MYH10: variants seen among roughly 807,000 people sequenced by gnomAD.
The protein encoded by MYH10 is myosin heavy chain 10, also known as myosin-10.
MYH10 carries 55 observed loss-of-function variants against 257.8 expected under a neutral mutation model. The ratio of observed to expected loss-of-function variants is 0.21; its 90% CI spans 0.17 to 0.27. MYH10 has a LOEUF of 0.27. Ranked by LOEUF, MYH10 falls within the 10% of genes least tolerant of loss-of-function variation. The probability of loss-of-function intolerance (pLI) is 1.00; values close to 1 mark genes in which losing one functional copy is unlikely to be tolerated. For synonymous variants in MYH10, 854 were observed against 921.7 expected (o/e 0.93, Z 1.33); for missense variants, 1,631 against 2,500.6 (o/e 0.65, Z 7.42).
chr17:8,513,952 G>T (rs2081380025), intron 21 of MYH10, 58 bp from the exon 22 acceptor site: 1 of 1,416,530 alleles, frequency 7.1e-7, no homozygotes, highest in Non-Finnish European at 9.8e-7. Flanking sequence ...AATGGCTGTT[G>T]TCATAAGAAG....
intron 9 of MYH10, among the ~76,000 whole-genome samples, chr17:8,550,305 A>G (rs1039080821): frequency 7.0e-6 from 1 of 143,414 alleles, no homozygotes; most frequent in African/African-American, 2.7e-5. Flanking sequence ...CCGGCCGCCC[A>G]TCTTCTGAGA....
intron 3 of MYH10, among the ~76,000 whole-genome samples, chr17:8,598,599 A>T (rs565346452): frequency 1.3e-5 from 2 of 152,292 alleles, no homozygotes; most frequent in East Asian, 3.9e-4. Flanking sequence ...TACAAACTTT[A>T]ATTTGTCTAT....
Position 8,530,693 on chromosome 17 carries a change from AGAG to A in MYH10, c.1895-11_1895-9del, listed in dbSNP as rs1284062685. On this transcript the variant is annotated splice_polypyrimidine_tract_variant and intron_variant, in intron 16 of 42. Transcript: ENST00000360416. ...TCTGAATATTCTGAATCTCTAAAGC[AGAG>A]AAACAGCAAAAACAGGACAGAAGAG... 7.1e-6 allele frequency: 11 copies of A among 1,547,026 alleles called. No homozygotes were observed. The African/African-American group carries it at 1.5e-4, about 21-fold the overall frequency.
rs551951842 is a variant in MYH10, at chr17:8,552,187, TTAAA to T, written c.821-47_821-44del. On this transcript the variant is annotated intron_variant, in intron 8 of 42. Transcript: ENST00000360416. The surrounding 1 kb of genome is among the most constrained non-coding windows in gnomAD (Gnocchi z 4.8). Reference sequence around the variant, plus strand: ...AGAATTAAATTATTTAATATAATTCTTAAATAAATAAAGGCCCTCTTTCAGCGTC... The same window carrying T: ...AGAATTAAATTATTTAATATAATTCTTAAATAAAGGCCCTCTTTCAGCGTC... The T allele has an allele frequency of 8.6e-4, 927 of 1,074,010 alleles. 11 individuals are homozygous for T. The African/African-American group carries it at 0.012, about 13-fold the overall frequency. The allele number at this position is 1,074,010 out of a possible 1,614,324, so 66.5% of individuals were successfully genotyped here. A position where few individuals can be genotyped will look rare whatever the true frequency, so the allele number is the denominator to read the frequency against.
intron 4 of MYH10, 108 bp from the exon 5 acceptor site, chr17:8,577,446 A>T (rs1341012914): frequency 5.4e-6 from 3 of 551,728 alleles, no homozygotes; most frequent in South Asian, 8.0e-5. Context: ...TAATAAAAAT[A>T]AAAAGAATAA....
At chr17:8,581,179 C>A (rs994420091) in intron 4 of MYH10, among the ~76,000 whole-genome samples, 5 of 151,908 alleles carry the variant, frequency 3.3e-5, no homozygotes, top group African/African-American at 1.2e-4. Context: ...GTGCCATGGA[C>A]CCTGGAGGTC....
At chr17:8,555,745 A>G (rs904126859) in intron 7 of MYH10, among the ~76,000 whole-genome samples, 2 of 152,246 alleles carry the variant, frequency 1.3e-5, no homozygotes, top group South Asian at 4.1e-4. Flanking sequence ...GATTTCCTAG[A>G]CAGAATGCAA....
At chr17:8,538,949 T>C (rs973634978) in intron 14 of MYH10, among the ~76,000 whole-genome samples, 1 of 152,178 alleles carries the variant, frequency 6.6e-6, no homozygotes, top group Non-Finnish European at 1.5e-5. Context: ...GGCTCTTTCC[T>C]AGTAAATGGA....
Position 8,530,655 on chromosome 17 carries a change from T to C in MYH10, c.1925A>G (p.Tyr642Cys). The change falls in exon 17 of 43, where the codon TAT becomes TGT. Residue 642 changes from tyrosine to cysteine, a missense_variant. Tyr to Cys is a radical substitution (Grantham distance 194). This residue lies in a region of MYH10 where 96 missense variants were observed against 146.2 expected (regional missense o/e 0.66). Coordinates refer to ENST00000360416, the MANE Select transcript of MYH10 (RefSeq NM_001256012.3). ...EIQNIQRASF[Y>C]DSVSGLHEPP... ...CTCATGAAGACCAGAAACACTGTCA[T>C]AGAAAGAAGCTCTCTGAATATTCTG... The C allele has an allele frequency of 1.9e-6, 3 of 1,548,012 alleles. No homozygotes were observed. The highest frequency in any genetic ancestry group is 2.6e-6 in the Non-Finnish European group (3 of 1,145,620).
intron 14 of MYH10, among the ~76,000 whole-genome samples, chr17:8,537,848 T>G (rs1296088037): frequency 6.6e-6 from 1 of 152,220 alleles, no homozygotes; most frequent in Admixed American, 6.5e-5. Flanking sequence ...TCTATTATCA[T>G]TCCTTCTCTG....
intron 6 of MYH10, among the ~76,000 whole-genome samples, chr17:8,571,980 AAAAAC>A (rs1346739747): frequency 6.6e-6 from 1 of 151,522 alleles, no homozygotes; most frequent in African/African-American, 2.4e-5. Context: ...GGAAACTTGG[AAAAAC>A]ACTGGCATTC....
chr17:8,590,176 A>C (rs186438766), intron 3 of MYH10, among the ~76,000 whole-genome samples: 15 of 152,324 alleles, frequency 9.8e-5, no homozygotes, highest in Non-Finnish European at 1.8e-4. Flanking sequence ...AACTTCCATG[A>C]AAGAGAAATA....
rs887507188 is a variant in MYH10 at position 8,476,071 on chromosome 17, TGTG to T, written c.5880-126_5880-124del. ...CACCCCCTCCTCGGACACACGACCT[TGTG>T]GGGGTGGCGGTACGATGGGGAAGGA... On this transcript the variant is annotated intron_variant, in intron 42 of 42. Coordinates refer to ENST00000360416, the MANE Select transcript of MYH10 (RefSeq NM_001256012.3). The T allele has an allele frequency of 1.4e-5, 16 of 1,148,136 alleles. No homozygotes were observed. The Admixed American group carries it at 2.4e-4, about 17-fold the overall frequency. 71.1% of individuals were successfully genotyped at this position (1,148,136 alleles called of 1,614,324 possible). A position where few individuals can be genotyped will look rare whatever the true frequency, so the allele number is the denominator to read the frequency against.
Position 8,477,074 on chromosome 17 carries a change from C to CT in MYH10, c.5707-27_5707-26insA. On this transcript the variant is annotated intron_variant, in intron 41 of 42. Coordinates refer to ENST00000360416, the MANE Select transcript of MYH10 (RefSeq NM_001256012.3). The surrounding 1 kb of genome is among the most constrained non-coding windows in gnomAD (Gnocchi z 4.2). Reference sequence around the variant, plus strand: ...CTTGGGGAGGGTACATGAACCAAAACAAACCAAACTGGTGAATCCAGTGTC... The same window carrying CT: ...CTTGGGGAGGGTACATGAACCAAAACTAAACCAAACTGGTGAATCCAGTGTC... 4 of 1,612,642 alleles carry CT rather than the reference C, an allele frequency of 2.5e-6. No individual in the cohort carries two copies. The highest frequency in any genetic ancestry group is 3.4e-6 in the Non-Finnish European group (4 of 1,179,388).
chr17:8,549,136 C>A (rs558455693), intron 9 of MYH10, among the ~76,000 whole-genome samples: 3 of 152,226 alleles, frequency 2.0e-5, no homozygotes, highest in East Asian at 3.9e-4. Flanking sequence ...ATATTTTAGC[C>A]CTCTTTTTTG....
Position 8,506,371 on chromosome 17 carries a change from C to T in MYH10, c.3333G>A (p.Glu1111=). 1.9e-6 allele frequency: 3 copies of T among 1,610,816 alleles called. No individual in the cohort carries two copies. Among genetic ancestry groups the T allele is most frequent in the Non-Finnish European group, 2.5e-6 (3 of 1,178,974 alleles). Residue 1111 remains glutamate, a synonymous_variant, in exon 27 of 43, where the codon GAG becomes GAA. Transcript: ENST00000360416. The surrounding 1 kb of genome is among the most constrained non-coding windows in gnomAD (Gnocchi z 5.0). ...QIAELQAQID[E]LKLQLAKKEE... is the part of the protein sequence containing the mutation. ...CCTTCTTGGCCAGCTGCAGCTTGAG[C>T]TCATCAATCTGCGCCTGCAGCTCTG...
chr17:8,489,743 A>ACACACACACCCC (rs1437818172), intron 35 of MYH10, among the ~76,000 whole-genome samples: 2 of 150,162 alleles, frequency 1.3e-5, no homozygotes, highest in Non-Finnish European at 1.5e-5. Flanking sequence ...ACACACACAC[A>ACACACACACCCC]CACCCCAAAT....
At position 8,475,761 on chromosome 17, in the gene MYH10, C is replaced by A. The variant is rs1406169784; in HGVS notation, c.*43G>T. 1.3e-6 allele frequency: 2 copies of A among 1,595,100 alleles called. No individual in the cohort carries two copies. Among genetic ancestry groups the A allele is most frequent in the Non-Finnish European group, 1.7e-6 (2 of 1,168,710 alleles). On this transcript the variant is annotated 3_prime_UTR_variant, in exon 43 of 43. Coordinates refer to ENST00000360416, the MANE Select transcript of MYH10 (RefSeq NM_001256012.3). ...ATCTGCAGGAGGCCCCGGGTGCATT[C>A]CTAACTGTCCCACTGTATTGCCTCC...
intron 30 of MYH10, among the ~76,000 whole-genome samples, chr17:8,496,886 A>G (rs546216676): frequency 1.3e-5 from 2 of 152,294 alleles, no homozygotes; most frequent in African/African-American, 4.8e-5. Context: ...TTGAACACCT[A>G]CGTTTCTTCT....
Sources: gnomAD v4.1 joint callset for allele counts (sites outside exome capture counted in the v4.1 genomes callset) on GRCh38, gnomAD v4.1.1 for gene constraint, gnomAD v4.1.1 regional missense constraint, Gnocchi (gnomAD v3.1) non-coding constraint, MANE v1.5 for transcripts, NCBI Gene and HGNC (gene_info 2026-07-23, HGNC 2026-07-21) for gene names.